The following RNF170 variants were observed in gnomAD, a reference collection of about 807,000 sequenced individuals.
The protein encoded by RNF170 is ring finger protein 170, also known as E3 ubiquitin-protein ligase RNF170.
In RNF170, 12 loss-of-function variants were observed where a neutral mutation model predicts 32.7. The ratio of observed to expected loss-of-function variants is 0.37; its 90% confidence interval spans 0.24 to 0.60. The LOEUF (loss-of-function observed/expected upper bound fraction) is 0.60, where lower values mean the gene tolerates loss of function less well. Among genes scored for constraint, RNF170 ranks in the 20% least tolerant of loss-of-function variants. The pLI is 0.72. For synonymous variants in RNF170, 91 were observed against 103.6 expected, an observed-to-expected ratio of 0.88 and a Z score of 0.74; for missense variants, 212 against 311.2, an observed-to-expected ratio of 0.68 and a Z score of 2.40.
chr8:42,879,544 G>A (rs1480162193), intron 2 of RNF170, among the ~76,000 whole-genome samples: 2 of 152,128 alleles, frequency 1.3e-5, no homozygotes, highest in Admixed American at 6.6e-5. Flanking sequence ...CCAGTTACTT[G>A]GGAGGCTGAG....
chr8:42,892,677 T>C (rs1586563342), intron 1 of RNF170, among the ~76,000 whole-genome samples: 1 of 150,698 alleles, frequency 6.6e-6, no homozygotes, highest in South Asian at 2.1e-4. Flanking sequence ...TTGCAGCGTT[T>C]TTTTTTTTTT....
chr8:42,895,575 C>T (rs1806729299), intron 1 of RNF170, among the ~76,000 whole-genome samples: 1 of 152,196 alleles, frequency 6.6e-6, no homozygotes, highest in Non-Finnish European at 1.5e-5. Context: ...GCACTACGTT[C>T]CAGGTACACT....
At chr8:42,858,760 G>C (rs1327199100) in intron 6 of RNF170, among the ~76,000 whole-genome samples, 1 of 152,212 alleles carries the variant, frequency 6.6e-6, no homozygotes, top group Non-Finnish European at 1.5e-5. Flanking sequence ...GAAGGAGTTT[G>C]TGTGTGTGCT....
At chr8:42,850,897 CT>C, downstream of RNF170, 1 of 1,551,688 alleles carries the variant, frequency 6.4e-7, no homozygotes, top group Non-Finnish European at 8.7e-7. Flanking sequence ...AGGCCCTGAC[CT>C]GCATCCGACT....
Position 42,856,428 on chromosome 8 carries a change from T to C in RNF170, c.508A>G (p.Ile170Val). 1 of 1,608,310 alleles carries C rather than the reference T, an allele frequency of 6.2e-7. No homozygotes were observed. Among genetic ancestry groups the C allele is most frequent in the Non-Finnish European group, 8.5e-7 (1 of 1,176,244 alleles). Reference protein sequence around the residue: ...NRRFSGQPRSIMERIMDLPTL... With the variant: ...NRRFSGQPRSVMERIMDLPTL... ...GGTAGATCCATAATTCTCTCCATAA[T>C]CTGGTAGAGGGAAAAACAAGTATTA... The change falls in exon 7 of 7, where the codon ATT (isoleucine) becomes GTT (valine). Residue 170 changes from isoleucine (I) to valine (V), a missense_variant and splice_region_variant. Coordinates refer to ENST00000527424, the MANE Select transcript of RNF170 (RefSeq NM_030954.4).
intron 4 of RNF170, among the ~76,000 whole-genome samples, chr8:42,865,857 C>T (rs1288476356): frequency 2.6e-5 from 4 of 152,060 alleles, no homozygotes; most frequent in Non-Finnish European, 2.9e-5. Flanking sequence ...CGGTGGCACA[C>T]GCCTGTAATC....
chr8:42,897,216 A>C, upstream of RNF170: 1 of 1,229,008 alleles, frequency 8.1e-7, no homozygotes, highest in South Asian at 4.1e-5. Flanking sequence ...GCCGGCGGGA[A>C]GACCCCCTCC....
chr8:42,856,821 T>C, intron 6 of RNF170, among the ~76,000 whole-genome samples: 1 of 152,198 alleles, frequency 6.6e-6, no homozygotes, highest in Non-Finnish European at 1.5e-5. Flanking sequence ...ATCAATCACT[T>C]ACTAGCCAGG....
chr8:42,886,865 A>G (rs1805867635), intron 2 of RNF170, among the ~76,000 whole-genome samples: 1 of 152,198 alleles, frequency 6.6e-6, no homozygotes, highest in Admixed American at 6.5e-5. Context: ...TCTAAAATAA[A>G]TAAATAGGCT....
intron 2 of RNF170, among the ~76,000 whole-genome samples, chr8:42,886,186 T>C (rs1184803509): frequency 6.6e-6 from 1 of 151,568 alleles, no homozygotes; most frequent in African/African-American, 2.4e-5. Flanking sequence ...ATCACGCCAC[T>C]GCACTCCAGC....
intron 6 of RNF170, among the ~76,000 whole-genome samples, chr8:42,856,724 CA>C (rs1427177825): frequency 6.6e-6 from 1 of 151,982 alleles, no homozygotes; most frequent in Non-Finnish European, 1.5e-5. Flanking sequence ...TAAAATAAAC[CA>C]AAGAACCTAG....
At chr8:42,885,250 T>G (rs1417516714) in intron 2 of RNF170, among the ~76,000 whole-genome samples, 1 of 152,184 alleles carries the variant, frequency 6.6e-6, no homozygotes, top group Non-Finnish European at 1.5e-5. Context: ...AAGTATTCCA[T>G]TGTGTATACA....
chr8:42,851,584 A>AG (rs1430636649), downstream of RNF170, among the ~76,000 whole-genome samples: 1 of 150,942 alleles, frequency 6.6e-6, no homozygotes, highest in Non-Finnish European at 1.5e-5. Context: ...AAAAAAAGAA[A>AG]GAAAAAGAAA....
chr8:42,855,664 A>G lies in RNF170; in HGVS notation c.*495T>C. Reference sequence around the variant, plus strand: ...GAAAAGGCAGAACTGCTCCAAATGCACAAAACTTAGCTAGCACTAAAAGAA... The same window carrying G: ...GAAAAGGCAGAACTGCTCCAAATGCGCAAAACTTAGCTAGCACTAAAAGAA... On this transcript the variant is annotated 3_prime_UTR_variant, in exon 7 of 7. Transcript: ENST00000527424. 2 of 1,285,122 alleles carry G rather than the reference A, an allele frequency of 1.6e-6. No individual in the cohort carries two copies. The highest frequency in any genetic ancestry group is 2.0e-6 in the Non-Finnish European group (2 of 987,292). 79.6% of individuals were successfully genotyped at this position (1,285,122 alleles called of 1,614,324 possible).
chr8:42,877,735 T>A (rs1173835701), intron 2 of RNF170, among the ~76,000 whole-genome samples: 1 of 151,890 alleles, frequency 6.6e-6, no homozygotes, highest in African/African-American at 2.4e-5. Context: ...TCCTTACATA[T>A]AAGACAAAAG....
chr8:42,864,245 C>T (rs1237457937), intron 5 of RNF170, among the ~76,000 whole-genome samples: 2 of 151,794 alleles, frequency 1.3e-5, no homozygotes, highest in South Asian at 4.2e-4. Context: ...AGGTATACAC[C>T]ACCACACCTG....
chr8:42,854,848 C>G lies in RNF170; in HGVS notation c.*1311G>C. On this transcript the variant is annotated 3_prime_UTR_variant, in exon 7 of 7. Coordinates refer to ENST00000527424, the MANE Select transcript of RNF170 (RefSeq NM_030954.4). ...CTCCCAGTACCATGTGGTACTGAGT[C>G]TTCTCAGATACATTCACTTGTTTGG... 7.8e-7 allele frequency: 1 copy of G among 1,287,248 alleles called. No individual in the cohort carries two copies. Among genetic ancestry groups the G allele is most frequent in the Non-Finnish European group, 1.0e-6 (1 of 988,674 alleles). 79.7% of individuals were successfully genotyped at this position (1,287,248 alleles called of 1,614,324 possible). A position where few individuals can be genotyped will look rare whatever the true frequency, so the allele number is the denominator to read the frequency against.
chr8:42,850,611 A>G (rs1802916792), downstream of RNF170: 2 of 731,912 alleles, frequency 2.7e-6, no homozygotes, highest in South Asian at 1.8e-5. Context: ...CTCTGTTTTC[A>G]TAGAGCTTGT....
chr8:42,865,539 A>T, intron 4 of RNF170, 50 bp from the exon 5 acceptor site: 1 of 1,230,822 alleles, frequency 8.1e-7, no homozygotes, highest in Non-Finnish European at 1.2e-6. Flanking sequence ...TTGATGTTTT[A>T]AAGTCCACAT....
Sources: allele counts gnomAD v4.1 joint callset (sites outside exome capture counted in the v4.1 genomes callset), GRCh38; gene constraint gnomAD v4.1.1; transcripts MANE v1.5; gene names NCBI Gene and HGNC (gene_info 2026-07-23, HGNC 2026-07-21).